Variants in AGBL1 observed in about 807,000 individuals in gnomAD.
AGBL1 encodes the protein AGBL carboxypeptidase 1.
AGBL1 carries 130 observed loss-of-function variants against 118.9 expected under a neutral mutation model. The ratio of observed to expected loss-of-function variants is 1.09; its 90% CI spans 0.95 to 1.26. The LOEUF (loss-of-function observed/expected upper bound fraction) is 1.26, where lower values mean the gene tolerates loss of function less well. Ranked by LOEUF, AGBL1 falls within the 50% of genes most tolerant of loss-of-function variation. The pLI is 0.00. For synonymous variants in AGBL1, 555 were observed against 478.9 expected, an observed-to-expected ratio of 1.16 and a Z score of -2.08; for missense variants, 1,584 against 1,298.1, an observed-to-expected ratio of 1.22 and a Z score of -3.38.
At chr15:86,084,074 C>T (rs1382060140) in intron 1 of AGBL1, among the ~76,000 whole-genome samples, 1 of 152,190 alleles carries the variant, frequency 6.6e-6, no homozygotes, top group Non-Finnish European at 1.5e-5. Context: ...GTCTTAATTT[C>T]AAGCATTAGT....
At chr15:86,818,052 C>T (rs967965261) in intron 22 of AGBL1, among the ~76,000 whole-genome samples, 1 of 151,988 alleles carries the variant, frequency 6.6e-6, no homozygotes, top group Non-Finnish European at 1.5e-5. Flanking sequence ...GAGCATGGCC[C>T]TGCTACCACC....
intron 22 of AGBL1, among the ~76,000 whole-genome samples, chr15:86,743,000 T>C (rs1430806370): frequency 1.3e-5 from 2 of 152,110 alleles, no homozygotes; most frequent in African/African-American, 4.8e-5. Context: ...AAAAAATTTG[T>C]ATTTTGTTTT....
downstream of AGBL1, among the ~76,000 whole-genome samples, chr15:87,030,403 GGTAA>G (rs983745497): frequency 1.3e-5 from 2 of 152,066 alleles, no homozygotes; most frequent in Non-Finnish European, 2.9e-5. Context: ...AGCTTGAACA[GGTAA>G]GTATTTCTTA....
intron 22 of AGBL1, among the ~76,000 whole-genome samples, chr15:86,829,241 C>T (rs1403173937): frequency 6.6e-6 from 1 of 152,196 alleles, no homozygotes; most frequent in South Asian, 2.1e-4. Context: ...GTAAGAGGCA[C>T]AACTCTTAGT....
At chr15:86,638,050 C>T (rs1216144929) in intron 21 of AGBL1, among the ~76,000 whole-genome samples, 1 of 152,052 alleles carries the variant, frequency 6.6e-6, no homozygotes, top group Non-Finnish European at 1.5e-5. Flanking sequence ...GAAAAAAAAT[C>T]CTTTATACTT....
At chr15:86,843,373 T>C (rs995358794) in intron 22 of AGBL1, among the ~76,000 whole-genome samples, 1 of 151,586 alleles carries the variant, frequency 6.6e-6, no homozygotes. Flanking sequence ...AATTCACAAA[T>C]GGTGAAAGGT....
intron 1 of AGBL1, among the ~76,000 whole-genome samples, chr15:86,081,063 A>G (rs1895248054): frequency 6.6e-6 from 1 of 151,956 alleles, no homozygotes; most frequent in Non-Finnish European, 1.5e-5. Context: ...TATTTTGTTG[A>G]GACAGCGTCT....
chr15:86,236,949 G>GGC (rs2078558849), intron 6 of AGBL1, among the ~76,000 whole-genome samples: 3 of 17,096 alleles, frequency 1.8e-4, no homozygotes, highest in Admixed American at 5.6e-4. Flanking sequence ...GGGCGGGGGG[G>GGC]GGCGGGGGGG....
chr15:86,459,059 A>G (rs139791716), intron 18 of AGBL1, among the ~76,000 whole-genome samples: 105 of 152,284 alleles, frequency 6.9e-4, no homozygotes, highest in African/African-American at 2.5e-3. Flanking sequence ...TTGCTTACAA[A>G]TTATAGTTTG....
chr15:86,739,590 C>G (rs1567149594), intron 22 of AGBL1, among the ~76,000 whole-genome samples: 1 of 150,344 alleles, frequency 6.7e-6, no homozygotes, highest in Non-Finnish European at 1.5e-5. Flanking sequence ...CTTCAAAAGA[C>G]CTGGGTTCAA....
intron 23 of AGBL1, among the ~76,000 whole-genome samples, chr15:86,933,592 C>A (rs573812497): frequency 5.9e-5 from 9 of 152,272 alleles, no homozygotes; most frequent in African/African-American, 2.2e-4. Flanking sequence ...GACTGCAATA[C>A]CACAGTCTCA....
intron 17 of AGBL1, among the ~76,000 whole-genome samples, chr15:86,372,522 C>G (rs1278445401): frequency 1.3e-5 from 2 of 152,234 alleles, no homozygotes; most frequent in Non-Finnish European, 2.9e-5. Context: ...TTACCTGCCA[C>G]TTTTTCTCTC....
intron 24 of AGBL1, among the ~76,000 whole-genome samples, chr15:87,001,047 A>G (rs1281170917): frequency 8.7e-6 from 1 of 115,124 alleles, no homozygotes; most frequent in South Asian, 3.5e-4. Flanking sequence ...GTTGGTGTAT[A>G]AGAATGCTTG....
At chr15:86,464,140 A>G (rs917674770) in intron 18 of AGBL1, among the ~76,000 whole-genome samples, 4 of 151,844 alleles carry the variant, frequency 2.6e-5, no homozygotes, top group Non-Finnish European at 5.9e-5. Flanking sequence ...TAATTCCCAG[A>G]AAGACGGTCT....
intron 21 of AGBL1, among the ~76,000 whole-genome samples, chr15:86,649,790 TATA>T (rs1416884182): frequency 1.3e-5 from 2 of 151,620 alleles, no homozygotes; most frequent in Non-Finnish European, 2.9e-5. Flanking sequence ...GGGCTTATAA[TATA>T]ATGCCTATGT....
intron 22 of AGBL1, among the ~76,000 whole-genome samples, chr15:86,692,284 G>A (rs2086185796): frequency 6.6e-6 from 1 of 152,014 alleles, no homozygotes; most frequent in Non-Finnish European, 1.5e-5. Flanking sequence ...ATGGCACATG[G>A]CAAAGGCGTA....
chr15:86,954,704 C>T (rs865965622), intron 23 of AGBL1, among the ~76,000 whole-genome samples: 2 of 152,094 alleles, frequency 1.3e-5, no homozygotes, highest in Non-Finnish European at 2.9e-5. Context: ...GGGTCCTCTG[C>T]TCACTCCCTG....
intron 22 of AGBL1, among the ~76,000 whole-genome samples, chr15:86,850,553 T>C (rs1294292777): frequency 1.3e-5 from 2 of 152,226 alleles, no homozygotes; most frequent in African/African-American, 4.8e-5. Context: ...AGATAATTCT[T>C]TCTGCATCAA....
At chr15:86,958,570 A>T (rs1049134671) in intron 23 of AGBL1, among the ~76,000 whole-genome samples, 1 of 152,192 alleles carries the variant, frequency 6.6e-6, no homozygotes, top group East Asian at 1.9e-4. Context: ...GTTTATAGAA[A>T]ACAATTAATG....
Sources: allele counts gnomAD v4.1 joint callset (sites outside exome capture counted in the v4.1 genomes callset), GRCh38; gene constraint gnomAD v4.1.1; transcripts MANE v1.5; gene names NCBI Gene and HGNC (gene_info 2026-07-23, HGNC 2026-07-21).